The following SFTPC variants were observed in gnomAD, a reference collection of about 807,000 sequenced individuals.
The protein encoded by SFTPC is surfactant protein C.
Under a neutral mutation model 19.9 loss-of-function variants are expected in SFTPC, and 12 were observed. The observed-to-expected ratio is 0.60, with a 90% confidence interval of 0.39 to 0.98. The LOEUF (loss-of-function observed/expected upper bound fraction) is 0.98, where lower values mean the gene tolerates loss of function less well. Ranked by LOEUF, SFTPC falls within the 50% of genes least tolerant of loss-of-function variation. SFTPC has a pLI of 0.00. For missense variants in SFTPC, 219 were observed against 252.2 expected (o/e 0.87, Z 0.89); for synonymous variants, 123 against 103.3 (o/e 1.19, Z -1.16).
upstream of SFTPC, among the ~76,000 whole-genome samples, chr8:22,157,864 A>G (rs1483653030): frequency 6.6e-6 from 1 of 152,196 alleles, no homozygotes; most frequent in African/African-American, 2.4e-5. Flanking sequence ...GTCATAACCT[A>G]TATTGGGTTT....
chr8:22,160,261 G>T (rs1392985555), upstream of SFTPC, among the ~76,000 whole-genome samples: 1 of 152,126 alleles, frequency 6.6e-6, no homozygotes, highest in African/African-American at 2.4e-5. Context: ...GCTCATGACC[G>T]AAGGGCAGGG....
At chr8:22,157,392 CT>C, upstream of SFTPC, 1 of 188,484 alleles carries the variant, frequency 5.3e-6, no homozygotes, top group Non-Finnish European at 1.1e-5. Flanking sequence ...CAGTCCAGCC[CT>C]TTGTCTAACA....
Position 22,162,719 on chromosome 8 carries a change from AAC to A in SFTPC, c.193_194del (p.Thr65GlyfsTer21), listed in dbSNP as rs1405405553. On this transcript the variant is annotated frameshift_variant, in exon 2 of 6. Transcript: ENST00000679463. LOFTEE classifies it high-confidence loss of function. ...CTCATGGGTCTCCACATGAGCCAGA[AAC>A]ACACGGAGATGGTGAGAGGTGTGGG... 1 of 1,614,068 alleles carries A rather than the reference AAC, an allele frequency of 6.2e-7. No individual in the cohort carries two copies. Among genetic ancestry groups the A allele is most frequent in the Non-Finnish European group, 8.5e-7 (1 of 1,180,032 alleles).
upstream of SFTPC, chr8:22,159,432 T>C (rs892590542): frequency 1.6e-4 from 47 of 290,320 alleles, no homozygotes; most frequent in Admixed American, 4.1e-4. Context: ...GGGGGAAATT[T>C]GGCACACCCA....
At position 22,164,329 on chromosome 8, in the gene SFTPC, A is replaced by T. The variant is rs1433758234; in HGVS notation, c.*82A>T. On this transcript the variant is annotated 3_prime_UTR_variant, in exon 6 of 6. Coordinates refer to ENST00000679463, the MANE Select transcript of SFTPC (RefSeq NM_001317778.2). ...GCAAAGGGTCTTTTGCAGCTTTTGC[A>T]GACGGGCAAGAAGCTGCTTCTGCCC... 1 of 1,536,168 alleles carries T rather than the reference A, an allele frequency of 6.5e-7. No homozygotes were observed. Among genetic ancestry groups the T allele is most frequent in the South Asian group, 1.2e-5 (1 of 84,070 alleles).
intron 5 of SFTPC, 79 bp from the exon 6 acceptor site, chr8:22,164,187 G>A (rs1386301206): frequency 2.4e-5 from 37 of 1,535,770 alleles, no homozygotes; most frequent in Non-Finnish European, 3.2e-5. Flanking sequence ...GGCAACTCGG[G>A]GGAGGGGAAG....
At chr8:22,159,200 G>T (rs1362413800), upstream of SFTPC, 3 of 158,290 alleles carry the variant, frequency 1.9e-5, no homozygotes, top group African/African-American at 7.2e-5. Context: ...GATCACACGA[G>T]GCCAGGAGAT....
At chr8:22,159,268 C>G (rs529957289), upstream of SFTPC, among the ~76,000 whole-genome samples, 5 of 152,308 alleles carry the variant, frequency 3.3e-5, no homozygotes, top group East Asian at 9.6e-4. Flanking sequence ...GCTTGGGTAA[C>G]AGAGTGAGAC....
At chr8:22,162,447 C>T (rs1827777378) in intron 1 of SFTPC, 127 bp from the exon 2 acceptor site, 13 of 1,047,372 alleles carry the variant, frequency 1.2e-5, no homozygotes, top group South Asian at 1.0e-4. Flanking sequence ...TCAGCCCTTC[C>T]CTGTCCATCC....
chr8:22,157,386 C>G (rs994609942), upstream of SFTPC: 6 of 196,424 alleles, frequency 3.1e-5, no homozygotes, highest in African/African-American at 1.4e-4. Context: ...ATTTTTCAGT[C>G]CAGCCCTTTG....
At chr8:22,161,676 G>C, upstream of SFTPC, 1 of 1,602,714 alleles carries the variant, frequency 6.2e-7, no homozygotes, top group South Asian at 1.1e-5. Flanking sequence ...TTCGGTTCTG[G>C]AGGGCCAGGA....
intron 1 of SFTPC, 114 bp from the exon 2 acceptor site, chr8:22,162,460 C>T (rs1380646567): frequency 4.3e-6 from 5 of 1,162,166 alleles, no homozygotes; most frequent in South Asian, 1.2e-5. Flanking sequence ...GTCCATCCAT[C>T]GCATCGGCTG....
chr8:22,163,908 C>A lies in SFTPC; in HGVS notation c.443C>A (p.Pro148His). Residue 148 changes from proline to histidine, a missense_variant, in exon 5 of 6, where the codon CCC becomes CAC. Coordinates refer to ENST00000679463, the MANE Select transcript of SFTPC (RefSeq NM_001317778.2). Reference protein sequence around the residue: ...TRKVHNFQAKPAVPTSKLGQA... With the variant: ...TRKVHNFQAKHAVPTSKLGQA... ...ATGGAATGCTCTCTGCAGGCCAAGC[C>A]CGCAGTGCCTACGTCTAAGCTGGGC... The A allele has an allele frequency of 6.2e-7, 1 of 1,613,900 alleles. No homozygotes were observed. The highest frequency in any genetic ancestry group is 2.2e-5 in the East Asian group (1 of 44,896).
At chr8:22,160,577 T>G (rs942615459), upstream of SFTPC, among the ~76,000 whole-genome samples, 1 of 152,114 alleles carries the variant, frequency 6.6e-6, no homozygotes, top group African/African-American at 2.4e-5. Context: ...CGCTACTGCA[T>G]GCCAGCCTGG....
chr8:22,163,588 A>C (rs756912017), intron 4 of SFTPC, 42 bp downstream of exon 4: 1 of 1,391,192 alleles, frequency 7.2e-7, no homozygotes, highest in South Asian at 1.2e-5. Flanking sequence ...TCTCCCTCCC[A>C]GGGCTGCTGG....
chr8:22,162,576 C>G lies in SFTPC; in HGVS notation c.45C>G (p.Asp15Glu), dbSNP rs1193793494. The change falls in exon 2 of 6, where the codon GAC becomes GAG. Residue 15 changes from aspartate (D) to glutamate (E), a missense_variant and splice_region_variant. Transcript: ENST00000679463. ...SKEVLMESPPDYSAAPRGRFG... is the reference protein window; with the variant it reads ...SKEVLMESPPEYSAAPRGRFG... Reference sequence around the variant, plus strand: ...CCTTGCCTGCCCCACCGTGTCAGGACTACTCCGCAGCTCCCCGGGGCCGAT... The same window carrying G: ...CCTTGCCTGCCCCACCGTGTCAGGAGTACTCCGCAGCTCCCCGGGGCCGAT... 2 of 1,613,712 alleles carry G rather than the reference C, an allele frequency of 1.2e-6. No homozygotes were observed. Among genetic ancestry groups the G allele is most frequent in the East Asian group, 2.2e-5 (1 of 44,884 alleles).
At chr8:22,158,187 C>T (rs187003790), upstream of SFTPC, among the ~76,000 whole-genome samples, 44 of 152,296 alleles carry the variant, frequency 2.9e-4, no homozygotes, top group East Asian at 7.5e-3. Flanking sequence ...AAGATGCTTC[C>T]CCAGCTGTCC....
At position 22,164,088 on chromosome 8, in the gene SFTPC, C is replaced by T. The variant is rs377337781; in HGVS notation, c.*18+29C>T. ...TGATCCCAGGGCCCCTGATCAGCAG[C>T]GGAGGAGCGCTCGGGCCACCTGCCC... is the stretch of plus-strand genomic sequence containing the variant. On this transcript the variant is annotated intron_variant, in intron 5 of 5. Transcript: ENST00000679463. 83 of 1,611,082 alleles carry T rather than the reference C, an allele frequency of 5.2e-5. 1 individual carries two copies. Among genetic ancestry groups the T allele is most frequent in the South Asian group, 2.4e-4 (22 of 90,988 alleles).
At chr8:22,161,730 G>A (rs986985258), upstream of SFTPC, 1 of 1,611,898 alleles carries the variant, frequency 6.2e-7, no homozygotes, top group African/African-American at 1.3e-5. Context: ...CACACAGGGG[G>A]CTTGGTCCTT....
Sources: allele counts gnomAD v4.1 joint callset (sites outside exome capture counted in the v4.1 genomes callset), GRCh38; gene constraint gnomAD v4.1.1; transcripts MANE v1.5; gene names NCBI Gene and HGNC (gene_info 2026-07-23, HGNC 2026-07-21).